Variants in PTPRG observed in about 807,000 individuals in gnomAD.
PTPRG encodes the protein receptor-type tyrosine-protein phosphatase gamma.
Under a neutral mutation model 165.3 loss-of-function variants are expected in PTPRG, and 102 were observed. That is an observed-to-expected ratio of 0.62 (90% CI 0.53 to 0.73). The LOEUF (loss-of-function observed/expected upper bound fraction) is 0.73, where lower values mean the gene tolerates loss of function less well. PTPRG is among the 30% of genes least tolerant of loss of function. The probability of loss-of-function intolerance (pLI) is 0.00; values close to 1 mark genes in which losing one functional copy is unlikely to be tolerated. For missense variants in PTPRG, 1,866 were observed against 1,861.4 expected (o/e 1.00, Z -0.05); for synonymous variants, 675 against 669.5 (o/e 1.01, Z -0.13).
At chr3:62,244,518 T>C (rs1701246441) in intron 15 of PTPRG, among the ~76,000 whole-genome samples, 2 of 152,336 alleles carry the variant, frequency 1.3e-5, no homozygotes, top group South Asian at 4.1e-4. Context: ...TGCCAGATTT[T>C]AACTTTCTAC....
chr3:61,584,680 A>C (rs888232206), intron 1 of PTPRG, among the ~76,000 whole-genome samples: 1 of 151,218 alleles, frequency 6.6e-6, no homozygotes, highest in Non-Finnish European at 1.5e-5. Flanking sequence ...CCTTGTTACC[A>C]TCATCATCTC....
intron 2 of PTPRG, among the ~76,000 whole-genome samples, chr3:61,839,895 G>T (rs1056074702): frequency 2.0e-5 from 3 of 151,996 alleles, no homozygotes; most frequent in Admixed American, 6.6e-5. Flanking sequence ...AATGCATTTG[G>T]TATTTATTTT....
At chr3:61,742,363 G>A (rs2033024021) in intron 1 of PTPRG, 1 of 906,214 alleles carries the variant, frequency 1.1e-6, no homozygotes, top group Admixed American at 2.9e-5. Flanking sequence ...GTGACTCTTA[G>A]GACATTTTTA....
At chr3:61,967,941 A>T (rs1411105022) in intron 2 of PTPRG, among the ~76,000 whole-genome samples, 1 of 152,202 alleles carries the variant, frequency 6.6e-6, no homozygotes, top group Admixed American at 6.5e-5. Context: ...AATAATAATA[A>T]TAGTATGTGA....
chr3:61,815,031 G>T (rs1251495561), intron 2 of PTPRG, among the ~76,000 whole-genome samples: 2 of 151,908 alleles, frequency 1.3e-5, no homozygotes, highest in African/African-American at 2.4e-5. Context: ...TCAGACTCAG[G>T]TTTTTTGTGA....
rs1400838433 is a variant in PTPRG, at chr3:62,224,089, G to T, written c.2288+5106G>T. Among the ~76,000 whole-genome samples the T allele has an allele frequency of 6.6e-6, 1 of 152,112 alleles. No homozygotes were observed. The highest frequency in any genetic ancestry group is 2.4e-5 in the African/African-American group (1 of 41,416). On this transcript the variant is annotated intron_variant, in intron 13 of 29. Transcript: ENST00000474889. The surrounding 1 kb of genome is among the most constrained non-coding windows in gnomAD (Gnocchi z 4.9). ...TATAATGTTAATGAAATTGGTTTGG[G>T]TGATGCTCCTAATAGGCCTTAAAGT...
chr3:62,229,053 C>G lies in PTPRG; in HGVS notation c.2289-2172C>G, dbSNP rs1186592722. On this transcript the variant is annotated intron_variant, in intron 13 of 29. Coordinates refer to ENST00000474889, the MANE Select transcript of PTPRG (RefSeq NM_002841.4). The surrounding 1 kb of genome is among the most constrained non-coding windows in gnomAD (Gnocchi z 4.6). ...ATTTTTACAGTTCAGCTTTTCAAAGCCTGACAATGTGTCAAGCCATTGGGG... is the reference window on the plus strand; with the variant it reads ...ATTTTTACAGTTCAGCTTTTCAAAGGCTGACAATGTGTCAAGCCATTGGGG... 6.6e-6 allele frequency among the ~76,000 whole-genome samples: 1 copy of G among 152,052 alleles called. No homozygotes were observed. Among genetic ancestry groups the G allele is most frequent in the East Asian group, 1.9e-4 (1 of 5,182 alleles).
Position 61,782,702 on chromosome 3 carries a change from C to T in PTPRG, c.190+33720C>T, listed in dbSNP as rs549146993. On this transcript the variant is annotated intron_variant, in intron 2 of 29. Transcript: ENST00000474889. ...AATGTTTAACCTAGTTGACCTGGCG[C>T]ATTTTAGAACCCTTCGTTTTAAGCT... is the stretch of plus-strand genomic sequence containing the variant. Among the ~76,000 whole-genome samples the T allele has an allele frequency of 3.3e-5, 5 of 152,312 alleles. No homozygotes were observed. In the South Asian group the frequency reaches 6.2e-4, roughly 19 times the overall value.
At chr3:62,067,711 A>T (rs544836499) in intron 4 of PTPRG, among the ~76,000 whole-genome samples, 86 of 152,172 alleles carry the variant, frequency 5.7e-4, no homozygotes, top group African/African-American at 2.0e-3. Context: ...GCAGTTCATA[A>T]TAGGGTTTAC....
At chr3:61,954,095 AT>A (rs2039966668) in intron 2 of PTPRG, among the ~76,000 whole-genome samples, 2 of 152,124 alleles carry the variant, frequency 1.3e-5, no homozygotes, top group Admixed American at 1.3e-4. Flanking sequence ...CTTGAGAGTA[AT>A]TTTGACGATG....
intron 17 of PTPRG, among the ~76,000 whole-genome samples, chr3:62,266,933 T>A (rs868862513): frequency 1.3e-5 from 2 of 151,508 alleles, no homozygotes; most frequent in Middle Eastern, 3.4e-3. Context: ...AGATTACTCT[T>A]AACAAAAGCT....
intron 2 of PTPRG, among the ~76,000 whole-genome samples, chr3:61,825,661 T>C (rs1222437917): frequency 1.3e-5 from 2 of 152,030 alleles, no homozygotes; most frequent in Admixed American, 6.6e-5. Flanking sequence ...GTTTTTTTTT[T>C]TGAGACAGGT....
At chr3:61,866,135 AGCACCGGTCC>A in intron 2 of PTPRG, among the ~76,000 whole-genome samples, 1 of 152,208 alleles carries the variant, frequency 6.6e-6, no homozygotes, top group Non-Finnish European at 1.5e-5. Flanking sequence ...TAAGTCATGC[AGCACCGGTCC>A]TCCTGCATCC....
chr3:62,006,879 T>C (rs1002349704), intron 4 of PTPRG, among the ~76,000 whole-genome samples: 2 of 152,210 alleles, frequency 1.3e-5, no homozygotes, highest in African/African-American at 4.8e-5. Flanking sequence ...TGTGGTGAGA[T>C]TCTGGAGTGG....
intron 2 of PTPRG, among the ~76,000 whole-genome samples, chr3:61,784,354 T>A (rs1241361586): frequency 6.6e-6 from 1 of 152,206 alleles, no homozygotes; most frequent in African/African-American, 2.4e-5. Context: ...TTCCTTCATT[T>A]TTTTCAGATA....
intron 4 of PTPRG, among the ~76,000 whole-genome samples, chr3:62,073,368 A>G (rs1701271847): frequency 6.6e-6 from 1 of 152,248 alleles, no homozygotes; most frequent in Non-Finnish European, 1.5e-5. Flanking sequence ...TAATAACATT[A>G]TAGTGGAGAA....
intron 7 of PTPRG, 57 bp from the exon 8 acceptor site, chr3:62,167,914 T>C: frequency 1.3e-6 from 2 of 1,485,984 alleles, no homozygotes; most frequent in Non-Finnish European, 1.9e-6. Context: ...TTCTAATTGA[T>C]GTGTGTTTTT....
At chr3:61,878,395 C>T (rs1024874892) in intron 2 of PTPRG, among the ~76,000 whole-genome samples, 11 of 152,156 alleles carry the variant, frequency 7.2e-5, no homozygotes, top group Non-Finnish European at 1.2e-4. Flanking sequence ...ATAAGCAATA[C>T]AAAATGTGAA....
At chr3:62,158,654 G>T (rs1704629728) in intron 7 of PTPRG, among the ~76,000 whole-genome samples, 1 of 152,216 alleles carries the variant, frequency 6.6e-6, no homozygotes. Flanking sequence ...GGTAAATGGG[G>T]CAGGTTCCCT....
Sources: allele counts gnomAD v4.1 joint callset (sites outside exome capture counted in the v4.1 genomes callset), GRCh38; gene constraint gnomAD v4.1.1; non-coding constraint Gnocchi (gnomAD v3.1); transcripts MANE v1.5; gene names NCBI Gene and HGNC (gene_info 2026-07-23, HGNC 2026-07-21).